The following LILRB1 variants were observed in gnomAD, a reference collection of about 807,000 sequenced individuals.
LILRB1 encodes leukocyte immunoglobulin like receptor B1.
LILRB1 carries 59 observed loss-of-function variants against 74.6 expected under a neutral mutation model. The ratio of observed to expected loss-of-function variants is 0.79; its 90% CI spans 0.64 to 0.98. The LOEUF (loss-of-function observed/expected upper bound fraction) is 0.98, where lower values mean the gene tolerates loss of function less well. Ranked by LOEUF, LILRB1 falls within the 50% of genes least tolerant of loss-of-function variation. The pLI is 0.00. For missense variants in LILRB1, 804 were observed against 822.6 expected (o/e 0.98, Z 0.28); for synonymous variants, 328 against 333.9 (o/e 0.98, Z 0.19).
intron 1 of LILRB1, 62 bp downstream of exon 1, chr19:54,630,695 G>A (rs867890041): frequency 5.0e-6 from 4 of 794,486 alleles, no homozygotes; most frequent in African/African-American, 3.4e-5. Flanking sequence ...CCATGTGGGA[G>A]GCTGTGAGAA....
At chr19:54,630,777 C>T (rs910608899) in intron 1 of LILRB1, 144 bp downstream of exon 1, 42 of 736,682 alleles carry the variant, frequency 5.7e-5, no homozygotes, top group East Asian at 4.3e-4. Context: ...TTTGCTGCTA[C>T]ATCCTGGCTC....
Position 54,636,784 on chromosome 19 carries a change from T to C in LILRB1, c.1865T>C (p.Leu622Ser). The stretch of plus-strand genomic sequence containing the variant: ...GTGACCTACGCCCAGCTGCACAGCT[T>C]GACCCTCAGACGGGAGGCAACTGAG... ...QDVTYAQLHS[L>S]TLRREATEPP... Residue 622 changes from leucine (L) to serine (S), a missense_variant, in exon 15 of 15, where the codon TTG becomes TCG. By Grantham distance (145) the Leu-to-Ser change is moderately radical. Coordinates refer to ENST00000324602, the MANE Select transcript of LILRB1 (RefSeq NM_001081637.3). 1 of 1,612,484 alleles carries C rather than the reference T, an allele frequency of 6.2e-7. No homozygotes were observed. Among genetic ancestry groups the C allele is most frequent in the Non-Finnish European group, 8.5e-7 (1 of 1,179,212 alleles).
upstream of LILRB1, among the ~76,000 whole-genome samples, chr19:54,626,033 C>T (rs2063578612): frequency 6.6e-6 from 1 of 152,162 alleles, no homozygotes; most frequent in South Asian, 2.1e-4. Flanking sequence ...TTTCCATGTC[C>T]TCATGTTTCT....
chr19:54,630,496 T>G lies in LILRB1; in HGVS notation c.-186T>G. On this transcript the variant is annotated 5_prime_UTR_variant, in exon 1 of 15. Coordinates refer to ENST00000324602, the MANE Select transcript of LILRB1 (RefSeq NM_001081637.3). ...TCCCTATTTCCCTGCATTTCTCTTC[T>G]GTGCTCACTGCCACACGCAGCTCAG... is the stretch of plus-strand genomic sequence containing the variant. The G allele has an allele frequency of 2.2e-6, 1 of 461,210 alleles. No homozygotes were observed. The highest frequency in any genetic ancestry group is 4.3e-6 in the Non-Finnish European group (1 of 233,010). The allele number at this position is 461,210 out of a possible 1,614,324, so 28.6% of individuals were successfully genotyped here. A position where few individuals can be genotyped will look rare whatever the true frequency, so the allele number is the denominator to read the frequency against.
In LILRB1 at chr19:54,636,098, G is replaced by T. The variant is rs761426524; in HGVS notation, c.1654-396G>T. The T allele has an allele frequency of 1.3e-3, 726 of 558,648 alleles. 1 individual carries two copies. Among genetic ancestry groups the T allele is most frequent in the Non-Finnish European group, 1.7e-3 (476 of 284,052 alleles). 34.6% of individuals were successfully genotyped at this position (558,648 alleles called of 1,614,324 possible). On this transcript the variant is annotated intron_variant, in intron 13 of 14. Transcript: ENST00000324602. ...CGTGCTGTAAGGAACATAAACCAGA[G>T]AAAGGGCAGAGAGTGTGGGGCAGTG...
rs753268955 is a variant in LILRB1 at position 54,633,338 on chromosome 19, C to A, written c.1261+20C>A. On this transcript the variant is annotated intron_variant, in intron 7 of 14. Coordinates refer to ENST00000324602, the MANE Select transcript of LILRB1 (RefSeq NM_001081637.3). ...TCTCAGGTGGGGGCCTTGACCCTGT[C>A]CTCTCTGAGCTCAAAGTCTCAGCTC... 6.2e-7 allele frequency: 1 copy of A among 1,606,568 alleles called. No homozygotes were observed. The highest frequency in any genetic ancestry group is 8.5e-7 in the Non-Finnish European group (1 of 1,175,572).
In LILRB1 at chr19:54,630,564, T is replaced by G. The variant is rs563817825; in HGVS notation, c.-118T>G. On this transcript the variant is annotated 5_prime_UTR_variant, in exon 1 of 15. An upstream open reading frame in the 5' UTR loses its in-frame stop. Transcript: ENST00000324602. ...GATGCGAGATGCGTCTCTGCTGATC[T>G]GAGTCTGCCTGCAGCATGGACCTGG... The G allele has an allele frequency of 6.6e-4, 411 of 622,894 alleles. 1 individual carries two copies. Among genetic ancestry groups the G allele is most frequent in the Middle Eastern group, 3.3e-3 (12 of 3,664 alleles). The allele number at this position is 622,894 out of a possible 1,614,324, so 38.6% of individuals were successfully genotyped here.
upstream of LILRB1, among the ~76,000 whole-genome samples, chr19:54,627,577 G>T (rs2063629832): frequency 6.6e-6 from 1 of 152,230 alleles, no homozygotes; most frequent in African/African-American, 2.4e-5. Context: ...CAGGAATTCA[G>T]ATAAGATGCT....
At position 54,636,945 on chromosome 19, in the gene LILRB1, G is replaced by C. The variant is rs1057179255; in HGVS notation, c.*67G>C. 5.6e-6 allele frequency: 9 copies of C among 1,593,726 alleles called. No homozygotes were observed. Among genetic ancestry groups the C allele is most frequent in the Middle Eastern group, 3.4e-4 (2 of 5,962 alleles). On this transcript the variant is annotated 3_prime_UTR_variant, in exon 15 of 15. Coordinates refer to ENST00000324602, the MANE Select transcript of LILRB1 (RefSeq NM_001081637.3). ...ATGCATGGGAGCTGCCCCCCCAGTG[G>C]ACACCATTGGACCCCACCCAGCCTG...
Position 54,636,642 on chromosome 19 carries a change from T to G in LILRB1, c.1802T>G (p.Met601Arg), listed in dbSNP as rs745583130. The G allele has an allele frequency of 1.2e-6, 2 of 1,610,842 alleles. No individual in the cohort carries two copies. The highest frequency in any genetic ancestry group is 1.7e-6 in the Non-Finnish European group (2 of 1,179,022). The stretch of plus-strand genomic sequence containing the variant: ...AGACAGGCGGAAGAGGACAGGCAGA[T>G]GGACACTGAGGTGAGTCCTTTCCTC... The part of the protein sequence containing the change: ...KDRQAEEDRQ[M>R]DTEAAASEAP... Residue 601 changes from methionine to arginine, a missense_variant, in exon 14 of 15, where the codon ATG (methionine) becomes AGG (arginine). By Grantham distance (91) the Met-to-Arg change is moderately conservative. Coordinates refer to ENST00000324602, the MANE Select transcript of LILRB1 (RefSeq NM_001081637.3).
intron 1 of LILRB1, among the ~76,000 whole-genome samples, chr19:54,621,535 GTT>G (rs56409367): frequency 0.55 from 80,485 of 145,220 alleles, 22,557 homozygotes; most frequent in Non-Finnish European, 0.65. Flanking sequence ...TGTGTTTTTT[GTT>G]TTTTTTTTTT....
At chr19:54,632,907 A>T (rs530113750) in intron 6 of LILRB1, 109 bp from the exon 7 acceptor site, 1 of 1,544,790 alleles carries the variant, frequency 6.5e-7, no homozygotes, top group East Asian at 2.3e-5. Context: ...GGAGGGGGAG[A>T]CTCAGAGAAA....
rs61737863 is a variant in LILRB1 at position 54,632,507 on chromosome 19, C to A, written c.705C>A (p.Ile235=). The A allele has an allele frequency of 3.1e-6, 5 of 1,613,858 alleles. No individual in the cohort carries two copies. The highest frequency in any genetic ancestry group is 2.2e-5 in the South Asian group (2 of 91,082). Residue 235 remains isoleucine, a synonymous_variant, in exon 6 of 15, where the codon ATC becomes ATA. Coordinates refer to ENST00000324602, the MANE Select transcript of LILRB1 (RefSeq NM_001081637.3). ...CACTCTCAGTGCAGCCAGGTCCTAT[C>A]GTGGCCCCTGAGGAGACCCTGACTC... ...KPSLSVQPGP[I]VAPEETLTLQ...
In LILRB1 at chr19:54,636,969, T is replaced by A; in HGVS notation, c.*91T>A. The A allele has an allele frequency of 6.5e-7, 1 of 1,539,324 alleles. No individual in the cohort carries two copies. Among genetic ancestry groups the A allele is most frequent in the Non-Finnish European group, 8.9e-7 (1 of 1,126,374 alleles). On this transcript the variant is annotated 3_prime_UTR_variant, in exon 15 of 15. Coordinates refer to ENST00000324602, the MANE Select transcript of LILRB1 (RefSeq NM_001081637.3). ...GGACACCATTGGACCCCACCCAGCC[T>A]GGATCTACCCCAGGAGACTCTGGGA...
intron 3 of LILRB1, 67 bp from the exon 4 acceptor site, chr19:54,631,433 C>A: frequency 6.2e-7 from 1 of 1,603,626 alleles, no homozygotes; most frequent in South Asian, 1.1e-5. Flanking sequence ...GGGTCCTGGG[C>A]TGAGAGCTGG....
rs978389016 is a variant in LILRB1 at position 54,634,279 on chromosome 19, G to A, written c.1363+258G>A. 9.8e-5 allele frequency: 151 copies of A among 1,535,008 alleles called. No homozygotes were observed. In the African/African-American group the frequency reaches 1.3e-3, roughly 13 times the overall value. On this transcript the variant is annotated intron_variant, in intron 9 of 14. Coordinates refer to ENST00000324602, the MANE Select transcript of LILRB1 (RefSeq NM_001081637.3). ...ACCCGATTCCGCGGGGGCCTGTCCC[G>A]TCCCACCTGCAGCAGAGACGGTGAC...
chr19:54,634,390 A>G, intron 9 of LILRB1: 2 of 1,540,294 alleles, frequency 1.3e-6, no homozygotes, highest in Non-Finnish European at 1.8e-6. Flanking sequence ...TGGTGCAGGA[A>G]CAAGGGCTGC....
At chr19:54,625,874 T>G (rs1390085870), upstream of LILRB1, among the ~76,000 whole-genome samples, 1 of 121,196 alleles carries the variant, frequency 8.3e-6, no homozygotes, top group Non-Finnish European at 1.7e-5. Flanking sequence ...CCCTTCCCCA[T>G]GTTAGGAGCC....
intron 4 of LILRB1, 59 bp from the exon 5 acceptor site, chr19:54,631,876 C>T: frequency 4.4e-6 from 7 of 1,607,226 alleles, no homozygotes; most frequent in Non-Finnish European, 6.0e-6. Context: ...ACAGCCCAGC[C>T]CTGGGGATGA....
Sources: gnomAD v4.1 joint callset for allele counts (sites outside exome capture counted in the v4.1 genomes callset) on GRCh38, gnomAD v4.1.1 for gene constraint, MANE v1.5 for transcripts, NCBI Gene and HGNC (gene_info 2026-07-23, HGNC 2026-07-21) for gene names.